Variants in CMTR1 observed in about 807,000 individuals in gnomAD.
The protein encoded by CMTR1 is cap methyltransferase 1, also known as cap-specific mRNA (nucleoside-2'-O-)-methyltransferase 1.
CMTR1 carries 39 observed loss-of-function variants against 107.0 expected under a neutral mutation model. The ratio of observed to expected loss-of-function variants is 0.36; its 90% confidence interval spans 0.28 to 0.48. CMTR1 has a LOEUF of 0.48. Among genes scored for constraint, CMTR1 ranks in the 20% least tolerant of loss-of-function variants. The pLI is 0.99. For synonymous variants in CMTR1, 366 were observed against 379.5 expected, an observed-to-expected ratio of 0.96 and a Z score of 0.41; for missense variants, 672 against 1,064.9, an observed-to-expected ratio of 0.63 and a Z score of 5.14.
intron 10 of CMTR1, among the ~76,000 whole-genome samples, chr6:37,461,291 G>T (rs1227580910): frequency 6.6e-6 from 1 of 152,192 alleles, no homozygotes; most frequent in Non-Finnish European, 1.5e-5. Flanking sequence ...CCTTGGAAAA[G>T]CAGGCTTGGT....
At chr6:37,463,994 G>A (rs866365581) in intron 13 of CMTR1, among the ~76,000 whole-genome samples, 1 of 152,142 alleles carries the variant, frequency 6.6e-6, no homozygotes, top group South Asian at 2.1e-4. Context: ...ATAGATGCAT[G>A]GCAGAACTGG....
At chr6:37,468,183 A>G (rs1293179319) in intron 13 of CMTR1, among the ~76,000 whole-genome samples, 1 of 150,208 alleles carries the variant, frequency 6.7e-6, no homozygotes, top group Non-Finnish European at 1.5e-5. Context: ...CTATGTTTCA[A>G]TTGTTGCTGT....
chr6:37,424,275 C>A, the CMTR1 span, among the ~76,000 whole-genome samples: 1 of 149,170 alleles, frequency 6.7e-6, no homozygotes. Flanking sequence ...TGGAGTCTCC[C>A]TTTGTCGCCC....
upstream of CMTR1, among the ~76,000 whole-genome samples, chr6:37,428,443 G>C (rs1290261189): frequency 6.6e-6 from 1 of 152,028 alleles, no homozygotes; most frequent in Non-Finnish European, 1.5e-5. Flanking sequence ...CTGTTTGTCA[G>C]AGTTTTGTTT....
At chr6:37,442,917 C>G (rs1394998587) in intron 2 of CMTR1, among the ~76,000 whole-genome samples, 2 of 152,104 alleles carry the variant, frequency 1.3e-5, no homozygotes, top group Admixed American at 1.3e-4. Flanking sequence ...GAGTGGTGTC[C>G]CTTCTTCTTC....
chr6:37,468,503 C>A (rs768864247), intron 13 of CMTR1, among the ~76,000 whole-genome samples: 2 of 152,226 alleles, frequency 1.3e-5, no homozygotes, highest in Non-Finnish European at 2.9e-5. Context: ...TATTTGGAAT[C>A]ATTTTGCTTC....
chr6:37,467,368 T>G (rs1369453730), intron 13 of CMTR1, among the ~76,000 whole-genome samples: 1 of 152,242 alleles, frequency 6.6e-6, no homozygotes, highest in Non-Finnish European at 1.5e-5. Flanking sequence ...AGAGAATGTA[T>G]TCTGTATGAT....
In CMTR1 at chr6:37,444,133, G is replaced by A. The variant is rs375807909; in HGVS notation, c.268G>A (p.Val90Ile). The A allele has an allele frequency of 1.8e-5, 29 of 1,613,914 alleles. No homozygotes were observed. The highest frequency in any genetic ancestry group is 1.1e-4 in the African/African-American group (8 of 74,894). ...TSSRYSMYNSVSQKLMAKMGF... is the reference protein window; with the variant it reads ...TSSRYSMYNSISQKLMAKMGF... ...TTCTCGCTATTCCATGTATAATAGC[G>A]TCTCCCAGAAGCTTATGGTATGTCA... The change falls in exon 3 of 24, where the codon GTC becomes ATC. Residue 90 changes from valine (V) to isoleucine (I), a missense_variant. Val to Ile is a conservative substitution (Grantham distance 29). Around this residue, in one of 2 missense-constraint regions of CMTR1, gnomAD observed 583 missense variants for 968.4 expected, o/e 0.60. Coordinates refer to ENST00000373451, the MANE Select transcript of CMTR1 (RefSeq NM_015050.3).
rs543979356 is a variant in CMTR1, at chr6:37,479,171, A to G, written c.2291A>G (p.Lys764Arg). Residue 764 changes from lysine to arginine, a missense_variant, in exon 23 of 24, where the codon AAA becomes AGA. Lys to Arg is a conservative substitution (Grantham distance 26). Around this residue, in one of 2 missense-constraint regions of CMTR1, gnomAD observed 583 missense variants for 968.4 expected, o/e 0.60. Coordinates refer to ENST00000373451, the MANE Select transcript of CMTR1 (RefSeq NM_015050.3). ...GAGCCCTGGACTATGGGATTCAGCA[A>G]AAGCTTCAAGAAGAAGTTCTTCTAC... The part of the protein sequence containing the change: ...VNEPWTMGFS[K>R]SFKKKFFYNK... 10 of 1,614,104 alleles carry G rather than the reference A, an allele frequency of 6.2e-6. No homozygotes were observed. Among genetic ancestry groups the G allele is most frequent in the African/African-American group, 4.0e-5 (3 of 75,050 alleles).
chr6:37,460,382 T>C (rs1334267245), intron 10 of CMTR1, among the ~76,000 whole-genome samples: 1 of 152,184 alleles, frequency 6.6e-6, no homozygotes, highest in Non-Finnish European at 1.5e-5. Flanking sequence ...GGCTTGGGGC[T>C]GGCTGTGAGG....
upstream of CMTR1, among the ~76,000 whole-genome samples, chr6:37,433,044 T>G (rs905097700): frequency 6.6e-6 from 1 of 152,258 alleles, no homozygotes; most frequent in Admixed American, 6.5e-5. Flanking sequence ...AAGGAGGAGA[T>G]AGTTACTTTT....
intron 2 of CMTR1, among the ~76,000 whole-genome samples, chr6:37,442,739 G>T (rs1346340214): frequency 6.6e-6 from 1 of 152,196 alleles, no homozygotes; most frequent in African/African-American, 2.4e-5. Context: ...GTAGGGAAAT[G>T]GATGGATCAC....
chr6:37,453,463 T>A, intron 8 of CMTR1, 151 bp downstream of exon 8: 1 of 714,014 alleles, frequency 1.4e-6, no homozygotes, highest in Non-Finnish European at 2.4e-6. Flanking sequence ...GGTCCCACAG[T>A]GCTTCTGTGG....
intron 2 of CMTR1, among the ~76,000 whole-genome samples, chr6:37,443,716 A>G (rs1771722751): frequency 6.6e-6 from 1 of 152,172 alleles, no homozygotes; most frequent in African/African-American, 2.4e-5. Context: ...TGAGGCAGGT[A>G]TTACTATCTC....
Position 37,448,679 on chromosome 6 carries a change from A to G in CMTR1, c.445-1572A>G, listed in dbSNP as rs151229552. On this transcript the variant is annotated intron_variant, in intron 4 of 23. Transcript: ENST00000373451. ...CCATTTTATGCCTTTCAGAGCATGT[A>G]ATATTACTTTTAATCACATTGCTTC... Among the ~76,000 whole-genome samples, 6 of 152,302 alleles carry G rather than the reference A, an allele frequency of 3.9e-5. No homozygotes were observed. In the East Asian group the frequency reaches 9.6e-4, roughly 24 times the overall value.
At chr6:37,457,837 AG>A (rs552433595) in intron 8 of CMTR1, among the ~76,000 whole-genome samples, 93 of 152,326 alleles carry the variant, frequency 6.1e-4, no homozygotes, top group Non-Finnish European at 1.1e-3. Context: ...TTGGTTGGAC[AG>A]GAAGACCTGA....
intron 17 of CMTR1, among the ~76,000 whole-genome samples, chr6:37,473,970 A>G (rs570712544): frequency 1.3e-5 from 2 of 152,280 alleles, no homozygotes; most frequent in South Asian, 4.1e-4. Flanking sequence ...CTGTCTTGCA[A>G]AGATACTCCC....
chr6:37,446,353 C>T lies in CMTR1; in HGVS notation c.348C>T (p.Ile116=), dbSNP rs762916807. The change falls in exon 4 of 24, where the codon ATC becomes ATT. Residue 116 remains isoleucine, a synonymous_variant. Transcript: ENST00000373451. The part of the protein sequence containing the change: ...LGKYSQGRKD[I]VEASSQKGRR... ...AATACAGCCAGGGTCGGAAGGACAT[C>T]GTTGAGGCTTCCAGTCAGAAAGGTC... 2.5e-6 allele frequency: 4 copies of T among 1,614,034 alleles called. No individual in the cohort carries two copies. The highest frequency in any genetic ancestry group is 2.7e-5 in the African/African-American group (2 of 74,902).
At chr6:37,432,240 T>C (rs184086814), upstream of CMTR1, among the ~76,000 whole-genome samples, 198 of 152,356 alleles carry the variant, frequency 1.3e-3, no homozygotes, top group Middle Eastern at 0.014. Context: ...TTAAGGACAT[T>C]AGCTTTATTC....
Sources: allele counts gnomAD v4.1 joint callset (sites outside exome capture counted in the v4.1 genomes callset), GRCh38; gene constraint gnomAD v4.1.1; regional missense constraint gnomAD v4.1.1; transcripts MANE v1.5; gene names NCBI Gene and HGNC (gene_info 2026-07-23, HGNC 2026-07-21).